KIAA1217: variants seen among roughly 807,000 people sequenced by gnomAD.
KIAA1217 encodes the protein sickle tail protein homolog.
Under a neutral mutation model 163.9 loss-of-function variants are expected in KIAA1217, and 88 were observed. That is an observed-to-expected ratio of 0.54 (90% confidence interval 0.45 to 0.64). The LOEUF is 0.64. KIAA1217 is among the 30% of genes least tolerant of loss of function. The probability of loss-of-function intolerance (pLI) is 0.00; values close to 1 mark genes in which losing one functional copy is unlikely to be tolerated. For missense variants in KIAA1217, 2,372 were observed against 2,475.0 expected (o/e 0.96, Z 0.88); for synonymous variants, 903 against 923.1 (o/e 0.98, Z 0.39).
chr10:23,989,249 G>C (rs1846110824), intron 1 of KIAA1217, among the ~76,000 whole-genome samples: 1 of 152,128 alleles, frequency 6.6e-6, no homozygotes, highest in Non-Finnish European at 1.5e-5. Flanking sequence ...CATGGAGGAG[G>C]CTTCTATAAC....
At chr10:24,234,867 T>G (rs1184031591) in intron 2 of KIAA1217, among the ~76,000 whole-genome samples, 10 of 152,148 alleles carry the variant, frequency 6.6e-5, no homozygotes, top group Admixed American at 5.9e-4. Context: ...CTCATGCTAT[T>G]TAAATGCGAA....
rs528164397 is a variant in KIAA1217, at chr10:24,488,393, G to A, written c.1680-6107G>A. Among the ~76,000 whole-genome samples, 64 of 152,230 alleles carry A rather than the reference G, an allele frequency of 4.2e-4. 1 individual carries two copies. Among genetic ancestry groups the A allele is most frequent in the African/African-American group, 1.3e-3 (56 of 41,512 alleles). Reference sequence around the variant, plus strand: ...CAGGGGAGATACTGAGACATTAGACGAAACAAAATATTGAAGTGCTTTTTA... The same window carrying A: ...CAGGGGAGATACTGAGACATTAGACAAAACAAAATATTGAAGTGCTTTTTA... On this transcript the variant is annotated intron_variant, in intron 6 of 20. Transcript: ENST00000376454.
intron 5 of KIAA1217, among the ~76,000 whole-genome samples, chr10:24,440,273 A>T (rs1591959877): frequency 6.6e-6 from 1 of 152,354 alleles, no homozygotes; most frequent in East Asian, 1.9e-4. Flanking sequence ...ATCGTGAAGC[A>T]TGGACTAAAT....
intron 3 of KIAA1217, among the ~76,000 whole-genome samples, chr10:24,390,475 GGGAA>G (rs71397945): frequency 0.078 from 8,314 of 106,166 alleles, 439 homozygotes; most frequent in Non-Finnish European, 0.11. Context: ...GAGGGAGGGA[GGGAA>G]GGAAGGAAGG....
chr10:24,372,405 T>C (rs1030608426), intron 2 of KIAA1217, among the ~76,000 whole-genome samples: 4 of 152,264 alleles, frequency 2.6e-5, no homozygotes, highest in Admixed American at 2.6e-4. Context: ...TTGATACTTT[T>C]TTGAGAGTCC....
chr10:24,170,825 G>A (rs1228948615), intron 2 of KIAA1217, among the ~76,000 whole-genome samples: 1 of 152,210 alleles, frequency 6.6e-6, no homozygotes, highest in African/African-American at 2.4e-5. Context: ...GTGTGTAGCT[G>A]TGAGATATCC....
In KIAA1217 at chr10:24,473,864, C is replaced by T. The variant is rs150155237; in HGVS notation, c.1483C>T (p.Pro495Ser). 65 of 1,614,110 alleles carry T rather than the reference C, an allele frequency of 4.0e-5. No individual in the cohort carries two copies. In the Middle Eastern group the frequency reaches 2.1e-3, roughly 53 times the overall value. Reference protein sequence around the residue: ...DMHAHYNAHGPPHTMQPDRAS... With the variant: ...DMHAHYNAHGSPHTMQPDRAS... ...GCACGCTCACTATAATGCCCACGGC[C>T]CCCCTCACACCATGCAGCCAGACCG... The change falls in exon 6 of 21, where the codon CCC becomes TCC. Residue 495 changes from proline to serine, a missense_variant. Pro to Ser is a moderately conservative substitution (Grantham distance 74, BLOSUM62 -1). This residue lies in a region of KIAA1217 where 1,431 missense variants were observed against 1,470.3 expected (regional missense o/e 0.97). Transcript: ENST00000376454.
At chr10:24,396,468 T>A in intron 3 of KIAA1217, among the ~76,000 whole-genome samples, 1 of 152,146 alleles carries the variant, frequency 6.6e-6, no homozygotes, top group South Asian at 2.1e-4. Flanking sequence ...AAATAAAATA[T>A]ATAATAGATG....
intron 2 of KIAA1217, among the ~76,000 whole-genome samples, chr10:24,059,262 T>G (rs1202948443): frequency 6.6e-6 from 1 of 152,170 alleles, no homozygotes; most frequent in African/African-American, 2.4e-5. Flanking sequence ...TTTAGTGTGG[T>G]GTTGAATTCA....
At chr10:24,473,002 G>A (rs901538371) in intron 5 of KIAA1217, among the ~76,000 whole-genome samples, 2 of 152,138 alleles carry the variant, frequency 1.3e-5, no homozygotes, top group Non-Finnish European at 2.9e-5. Flanking sequence ...CGCATATAAA[G>A]ACCCTTGTGA....
intron 1 of KIAA1217, among the ~76,000 whole-genome samples, chr10:23,777,585 G>A (rs1352737549): frequency 6.6e-6 from 1 of 152,096 alleles, no homozygotes. Context: ...ATGTGACTTA[G>A]GACCCATAAT....
intron 5 of KIAA1217, among the ~76,000 whole-genome samples, chr10:24,452,574 C>T (rs577041546): frequency 4.0e-4 from 59 of 148,876 alleles, no homozygotes; most frequent in African/African-American, 1.3e-3. Flanking sequence ...CCCAGCTACT[C>T]GGGAGGCTGA....
At chr10:23,795,519 T>G (rs1299656117) in intron 1 of KIAA1217, among the ~76,000 whole-genome samples, 1 of 152,212 alleles carries the variant, frequency 6.6e-6, no homozygotes, top group Non-Finnish European at 1.5e-5. Context: ...AGGGTACATT[T>G]CAGGAAACCA....
chr10:24,383,151 A>G (rs886862717), intron 3 of KIAA1217, among the ~76,000 whole-genome samples: 3 of 152,074 alleles, frequency 2.0e-5, no homozygotes, highest in Non-Finnish European at 4.4e-5. Context: ...CTGGCCTGAA[A>G]CTTGTGCTTT....
In KIAA1217 at chr10:24,473,852, A is replaced by G; in HGVS notation, c.1471A>G (p.Asn491Asp). ...GATGATAGACATGCACGCTCACTAT[A>G]ATGCCCACGGCCCCCCTCACACCAT... ...LRMIDMHAHYNAHGPPHTMQP... is the reference protein window; with the variant it reads ...LRMIDMHAHYDAHGPPHTMQP... The change falls in exon 6 of 21, where the codon AAT becomes GAT. Residue 491 changes from asparagine to aspartate, a missense_variant. By Grantham distance (23) the Asn-to-Asp change is conservative (BLOSUM62 1). Coordinates refer to ENST00000376454, the MANE Select transcript of KIAA1217 (RefSeq NM_019590.5). 1 of 1,613,982 alleles carries G rather than the reference A, an allele frequency of 6.2e-7. No homozygotes were observed. Among genetic ancestry groups the G allele is most frequent in the Non-Finnish European group, 8.5e-7 (1 of 1,179,988 alleles).
chr10:23,883,213 T>G (rs996135691), intron 1 of KIAA1217, among the ~76,000 whole-genome samples: 13 of 152,026 alleles, frequency 8.6e-5, no homozygotes, highest in Admixed American at 2.6e-4. Flanking sequence ...GGTCTGAAAT[T>G]TAAGAATTGT....
chr10:24,362,418 A>T (rs1344199323), intron 2 of KIAA1217, among the ~76,000 whole-genome samples: 2 of 152,260 alleles, frequency 1.3e-5, no homozygotes, highest in Non-Finnish European at 2.9e-5. Context: ...TATTAACAGT[A>T]AAAGAAAAGA....
intron 5 of KIAA1217, among the ~76,000 whole-genome samples, chr10:24,464,518 C>G (rs2062745861): frequency 2.0e-5 from 3 of 152,124 alleles, no homozygotes; most frequent in Admixed American, 2.0e-4. Flanking sequence ...GGGTCTCACT[C>G]TGTCACCCAG....
At chr10:24,305,670 G>T (rs1048354245) in intron 2 of KIAA1217, among the ~76,000 whole-genome samples, 2 of 152,174 alleles carry the variant, frequency 1.3e-5, no homozygotes, top group East Asian at 1.9e-4. Context: ...TAACTGTTAC[G>T]TCTTACTTGT....
Sources: allele counts gnomAD v4.1 joint callset (sites outside exome capture counted in the v4.1 genomes callset), GRCh38; gene constraint gnomAD v4.1.1; regional missense constraint gnomAD v4.1.1; transcripts MANE v1.5; gene names NCBI Gene and HGNC (gene_info 2026-07-23, HGNC 2026-07-21).